The following CBX5 variants were observed in gnomAD, a reference collection of about 807,000 sequenced individuals.
CBX5 encodes chromobox 5.
In CBX5, 7 loss-of-function variants were observed where a neutral mutation model predicts 20.7. The observed-to-expected ratio is 0.34, with a 90% CI of 0.19 to 0.63. The LOEUF is 0.63. Among genes scored for constraint, CBX5 ranks in the 30% least tolerant of loss-of-function variants. The pLI is 0.75. For synonymous variants in CBX5, 78 were observed against 77.0 expected, an observed-to-expected ratio of 1.01 and a Z score of -0.07; for missense variants, 110 against 224.1, an observed-to-expected ratio of 0.49 and a Z score of 3.25.
In CBX5 at chr12:54,240,275, C is replaced by T. The variant is rs1261193246; in HGVS notation, c.*1480G>A. 1 of 152,124 alleles carries T rather than the reference C, an allele frequency of 6.6e-6. No individual in the cohort carries two copies. Among genetic ancestry groups the T allele is most frequent in the Non-Finnish European group, 1.5e-5 (1 of 68,032 alleles). 9.4% of individuals were successfully genotyped at this position (152,124 alleles called of 1,614,324 possible). ...TCAGACAAATTTCTCAATAGCAACA[C>T]AAGAAGAAACCAAAACGAAGTATTT... On this transcript the variant is annotated 3_prime_UTR_variant, in exon 5 of 5. Coordinates refer to ENST00000209875, the MANE Select transcript of CBX5 (RefSeq NM_012117.3).
intron 2 of CBX5, among the ~76,000 whole-genome samples, chr12:54,256,692 T>A (rs1372054826): frequency 2.0e-5 from 3 of 152,170 alleles, no homozygotes; most frequent in Admixed American, 2.0e-4. Context: ...ATTTCATTAA[T>A]AACTTTTGTA....
chr12:54,277,530 G>C (rs1944081797), intron 1 of CBX5, among the ~76,000 whole-genome samples: 1 of 151,910 alleles, frequency 6.6e-6, no homozygotes, highest in Non-Finnish European at 1.5e-5. Flanking sequence ...GTAGAGACGG[G>C]TTTCACCTTG....
At chr12:54,258,394 C>T (rs1174323586) in intron 1 of CBX5, 1 of 152,154 alleles carries the variant, frequency 6.6e-6, no homozygotes, top group East Asian at 1.9e-4. Context: ...CAAAATTAGT[C>T]ACTAGATTAT....
chr12:54,255,560 A>G (rs1042772092), intron 2 of CBX5: 4 of 40,666 alleles, frequency 9.8e-5, no homozygotes, highest in African/African-American at 3.1e-4. Flanking sequence ...CTCTGTCTCA[A>G]AAAAAAAAAA....
chr12:54,258,407 A>C (rs1420792783), intron 1 of CBX5: 1 of 152,248 alleles, frequency 6.6e-6, no homozygotes, highest in Admixed American at 6.5e-5. Flanking sequence ...TAGATTATTC[A>C]GTAATTCCCA....
intron 1 of CBX5, among the ~76,000 whole-genome samples, chr12:54,261,384 A>G (rs71447717): frequency 6.6e-6 from 1 of 151,286 alleles, no homozygotes; most frequent in African/African-American, 2.4e-5. Flanking sequence ...GCAACCTCCA[A>G]CTCCCTGGTT....
chr12:54,260,738 G>T (rs1357962110), intron 1 of CBX5, among the ~76,000 whole-genome samples: 2 of 152,034 alleles, frequency 1.3e-5, no homozygotes, highest in African/African-American at 2.4e-5. Flanking sequence ...AAATAAAAAA[G>T]ATATATAGAG....
chr12:54,270,679 T>G (rs1341133458), intron 1 of CBX5, among the ~76,000 whole-genome samples: 1 of 152,116 alleles, frequency 6.6e-6, no homozygotes, highest in Non-Finnish European at 1.5e-5. Flanking sequence ...AAGTGTGTTG[T>G]GTAATTTCAA....
chr12:54,246,210 G>A lies in CBX5; in HGVS notation c.330C>T (p.Ser110=). ...TCTCAAAGCCCCGAGCGATATCATT[G>A]CTCTGCTATAAATAGAAGATAAAGA... ...DIKSKKKREQ[S]NDIARGFERG... The change falls in exon 4 of 5, where the codon AGC becomes AGT. Residue 110 remains serine, a synonymous_variant. Coordinates refer to ENST00000209875, the MANE Select transcript of CBX5 (RefSeq NM_012117.3). 1 of 1,609,654 alleles carries A rather than the reference G, an allele frequency of 6.2e-7. No individual in the cohort carries two copies. Among genetic ancestry groups the A allele is most frequent in the Non-Finnish European group, 8.5e-7 (1 of 1,176,066 alleles).
chr12:54,270,850 G>A (rs7134027), intron 1 of CBX5, among the ~76,000 whole-genome samples: 1,584 of 152,010 alleles, frequency 0.01, 27 homozygotes, highest in African/African-American at 0.036. Flanking sequence ...CCAGGGGTCT[G>A]ACACCAATCC....
intron 3 of CBX5, among the ~76,000 whole-genome samples, chr12:54,248,809 C>T (rs1399017545): frequency 6.6e-6 from 1 of 152,172 alleles, no homozygotes; most frequent in African/African-American, 2.4e-5. Context: ...ATAATGCAAA[C>T]TAACAAATTT....
rs1286402673 is a variant in CBX5, at chr12:54,236,481, G to T, written c.*5274C>A. 1 of 152,164 alleles carries T rather than the reference G, an allele frequency of 6.6e-6. No individual in the cohort carries two copies. Among genetic ancestry groups the T allele is most frequent in the African/African-American group, 2.4e-5 (1 of 41,436 alleles). 9.4% of individuals were successfully genotyped at this position (152,164 alleles called of 1,614,324 possible). A position where few individuals can be genotyped will look rare whatever the true frequency, so the allele number is the denominator to read the frequency against. ...TTCAGAACATGTTTTTGGGTGTAAG[G>T]CTAGTATCATCTACTTTTGAAAACA... On this transcript the variant is annotated 3_prime_UTR_variant, in exon 5 of 5. Transcript: ENST00000209875.
Position 54,240,333 on chromosome 12 carries a change from G to A in CBX5, c.*1422C>T, listed in dbSNP as rs73321037. On this transcript the variant is annotated 3_prime_UTR_variant, in exon 5 of 5. Transcript: ENST00000209875. ...TAAGAAGAAAAGGGTGTGTCAACAT[G>A]CTAATGCCAGGGCCTGTCACTTTCC... is the stretch of plus-strand genomic sequence containing the variant. 6.6e-6 allele frequency: 1 copy of A among 152,196 alleles called. No homozygotes were observed. Among genetic ancestry groups the A allele is most frequent in the African/African-American group, 2.4e-5 (1 of 41,452 alleles). 9.4% of individuals were successfully genotyped at this position (152,196 alleles called of 1,614,324 possible).
chr12:54,272,821 G>A (rs1277206933), intron 1 of CBX5: 1 of 152,130 alleles, frequency 6.6e-6, no homozygotes, highest in African/African-American at 2.4e-5. Context: ...TAAAGTCTTA[G>A]GTCTAGAAGG....
intron 1 of CBX5, among the ~76,000 whole-genome samples, chr12:54,274,492 T>C (rs754574278): frequency 1.3e-5 from 2 of 152,152 alleles, no homozygotes; most frequent in Non-Finnish European, 2.9e-5. Context: ...TCAATATCCA[T>C]AACACAGCTT....
rs560930913 is a variant in CBX5, at chr12:54,232,106, G to T, written c.*9649C>A. 6.6e-6 allele frequency: 1 copy of T among 152,210 alleles called. No homozygotes were observed. The allele number at this position is 152,210 out of a possible 1,614,324, so 9.4% of individuals were successfully genotyped here. ...ATACGCAGTAGCATCCCTGCCTCAC[G>T]ATTCCCTAATCCAATGCTCTTGAAT... On this transcript the variant is annotated 3_prime_UTR_variant, in exon 5 of 5. Coordinates refer to ENST00000209875, the MANE Select transcript of CBX5 (RefSeq NM_012117.3).
chr12:54,252,101 G>A lies in CBX5; in HGVS notation c.264C>T (p.Asn88=). The A allele has an allele frequency of 6.2e-7, 1 of 1,611,466 alleles. No individual in the cohort carries two copies. ...TGTTTGAGAAATTGGATTTCCTCTT[G>A]TTACTTTCTGACTTCTCCCTGGGTT... The part of the protein sequence containing the change: ...NNKPREKSES[N]KRKSNFSNSA... Residue 88 remains asparagine, a synonymous_variant, in exon 3 of 5, where the codon AAC becomes AAT. Coordinates refer to ENST00000209875, the MANE Select transcript of CBX5 (RefSeq NM_012117.3).
chr12:54,262,662 C>T (rs1425754024), intron 1 of CBX5: 1 of 152,636 alleles, frequency 6.6e-6, no homozygotes, highest in Admixed American at 6.5e-5. Context: ...TCGGAGGGGA[C>T]ATAATTCTCT....
chr12:54,244,540 C>T (rs1049418976), intron 4 of CBX5, among the ~76,000 whole-genome samples: 3 of 151,714 alleles, frequency 2.0e-5, no homozygotes, highest in African/African-American at 7.3e-5. Context: ...GAGTTCGAGA[C>T]CAGCCTGACC....
Sources: allele counts gnomAD v4.1 joint callset (sites outside exome capture counted in the v4.1 genomes callset), GRCh38; gene constraint gnomAD v4.1.1; transcripts MANE v1.5; gene names NCBI Gene and HGNC (gene_info 2026-07-23, HGNC 2026-07-21).